The following ACACA variants were observed in gnomAD, a reference collection of about 807,000 sequenced individuals.
ACACA encodes the protein acetyl-CoA carboxylase alpha.
In ACACA, 103 loss-of-function variants were observed where a neutral mutation model predicts 296.1. The ratio of observed to expected loss-of-function variants is 0.35; its 90% CI spans 0.30 to 0.41. ACACA has a LOEUF of 0.41. ACACA is among the 10% of genes least tolerant of loss of function. The pLI, the probability that ACACA is intolerant of heterozygous loss-of-function variation, is 1.00. For missense variants in ACACA, 1,554 were observed against 2,989.7 expected, an observed-to-expected ratio of 0.52 and a Z score of 11.20; for synonymous variants, 953 against 1,038.6, an observed-to-expected ratio of 0.92 and a Z score of 1.58.
chr17:37,285,639 C>A (rs1191625384), intron 3 of ACACA, among the ~76,000 whole-genome samples: 2 of 147,858 alleles, frequency 1.4e-5, no homozygotes, highest in Non-Finnish European at 3.0e-5. Context: ...CATGGCAAAA[C>A]CCTGTCTATA....
chr17:37,237,225 C>T (rs2080155174), intron 24 of ACACA, among the ~76,000 whole-genome samples: 1 of 152,088 alleles, frequency 6.6e-6, no homozygotes, highest in Admixed American at 6.5e-5. Flanking sequence ...CATAGTAATC[C>T]ATGGTAGGAA....
intron 2 of ACACA, among the ~76,000 whole-genome samples, chr17:37,330,639 T>TATG (rs2047833531): frequency 6.6e-6 from 1 of 152,178 alleles, no homozygotes; most frequent in East Asian, 1.9e-4. Context: ...TAAAACCAGT[T>TATG]CCCTTTTCCT....
rs775192862 is a variant in ACACA at position 37,162,099 on chromosome 17, AT to A, written c.5080-50del. 4 of 1,606,718 alleles carry A rather than the reference AT, an allele frequency of 2.5e-6. No individual in the cohort carries two copies. The East Asian group carries it at 6.7e-5, about 27-fold the overall frequency. Reference sequence around the variant, plus strand: ...TGAACAGAAGTTTCTTACAGGCAGAATTTTTTTCAGGTTCATTGAAGGTATC... The same window carrying A: ...TGAACAGAAGTTTCTTACAGGCAGAATTTTTTCAGGTTCATTGAAGGTATC... On this transcript the variant is annotated intron_variant, in intron 41 of 55. Coordinates refer to ENST00000616317, the MANE Select transcript of ACACA (RefSeq NM_198834.3).
Position 37,085,067 on chromosome 17 carries a change from G to A in ACACA, c.*2249C>T, listed in dbSNP as rs1251831497. On this transcript the variant is annotated 3_prime_UTR_variant, in exon 56 of 56. Coordinates refer to ENST00000616317, the MANE Select transcript of ACACA (RefSeq NM_198834.3). ...CTGAAGCTCCTGCTCATCACAGTAT[G>A]TGTCCATCAAATTCTGAGACAAGTG... 1 of 152,848 alleles carries A rather than the reference G, an allele frequency of 6.5e-6. No homozygotes were observed. Among genetic ancestry groups the A allele is most frequent in the African/African-American group, 2.4e-5 (1 of 41,492 alleles). 9.5% of individuals were successfully genotyped at this position (152,848 alleles called of 1,614,324 possible).
At chr17:37,138,331 A>G (rs2075416388) in intron 45 of ACACA, among the ~76,000 whole-genome samples, 1 of 152,210 alleles carries the variant, frequency 6.6e-6, no homozygotes, top group Non-Finnish European at 1.5e-5. Flanking sequence ...TCTTTATCAT[A>G]TTCATAGACC....
intron 3 of ACACA, among the ~76,000 whole-genome samples, chr17:37,314,950 CTTTTTTTTTTTTT>C (rs71284913): frequency 8.2e-5 from 5 of 60,806 alleles, no homozygotes; most frequent in Admixed American, 2.6e-4. Context: ...GCCAGGAATG[CTTTTTTTTTTTTT>C]TTTTTTTTTT....
intron 9 of ACACA, among the ~76,000 whole-genome samples, chr17:37,271,508 T>G (rs937490176): frequency 6.6e-6 from 1 of 151,160 alleles, no homozygotes; most frequent in African/African-American, 2.4e-5. Flanking sequence ...AGAGCGAAAC[T>G]CCATCTCAAA....
intron 1 of ACACA, among the ~76,000 whole-genome samples, chr17:37,404,665 C>T (rs1452693353): frequency 6.6e-6 from 1 of 151,126 alleles, no homozygotes; most frequent in African/African-American, 2.4e-5. Flanking sequence ...ACCTCCACCT[C>T]CCAGGTTCAA....
At chr17:37,322,619 C>T (rs1303568923) in intron 3 of ACACA, among the ~76,000 whole-genome samples, 1 of 152,052 alleles carries the variant, frequency 6.6e-6, no homozygotes, top group Non-Finnish European at 1.5e-5. Flanking sequence ...ATCCTGTGCC[C>T]AAATAAACCC....
intron 3 of ACACA, among the ~76,000 whole-genome samples, chr17:37,297,536 T>TAG (rs1425278045): frequency 1.6e-5 from 2 of 125,978 alleles, no homozygotes; most frequent in Non-Finnish European, 3.1e-5. Flanking sequence ...TGTGTGTATA[T>TAG]ATATATATAT....
At chr17:37,217,260 CAAAAAAAA>C (rs34419580) in intron 29 of ACACA, among the ~76,000 whole-genome samples, 1 of 42,526 alleles carries the variant, frequency 2.4e-5, no homozygotes, top group African/African-American at 8.2e-5. Context: ...AACTCTATCT[CAAAAAAAA>C]AAAAAAAAAA....
chr17:37,149,812 A>G (rs1243691187), intron 45 of ACACA, 52 bp downstream of exon 45: 1 of 1,487,472 alleles, frequency 6.7e-7, no homozygotes, highest in Non-Finnish European at 9.4e-7. Flanking sequence ...AAGAATTCAC[A>G]CAATAATCTT....
chr17:37,113,134 A>T lies in ACACA; in HGVS notation c.6406T>A (p.Ser2136Thr). Residue 2136 changes from serine to threonine, a missense_variant, in exon 51 of 56, where the codon TCC becomes ACC. This residue lies in a region of ACACA where 553 missense variants were observed against 1,043.6 expected (regional missense o/e 0.53). Transcript: ENST00000616317. The surrounding 1 kb of genome is among the most constrained non-coding windows in gnomAD (Gnocchi z 4.0). Reference sequence around the variant, plus strand: ...ATCTCCATGTGCCGGGGGTTGATGGAGGAGTCAATCACCACCCAGGAGCCA... The same window carrying T: ...ATCTCCATGTGCCGGGGGTTGATGGTGGAGTCAATCACCACCCAGGAGCCA... ...RGGSWVVIDS[S>T]INPRHMEMYA... 6.2e-7 allele frequency: 1 copy of T among 1,614,212 alleles called. No homozygotes were observed. The highest frequency in any genetic ancestry group is 8.5e-7 in the Non-Finnish European group (1 of 1,180,026).
At chr17:37,141,020 C>A (rs2075551299) in intron 45 of ACACA, 2 of 408,598 alleles carry the variant, frequency 4.9e-6, no homozygotes, top group East Asian at 1.3e-4. Flanking sequence ...AGGATGATGG[C>A]CCCATGGATG....
intron 3 of ACACA, among the ~76,000 whole-genome samples, chr17:37,302,988 G>T (rs2083702860): frequency 6.6e-6 from 1 of 152,000 alleles, no homozygotes; most frequent in Admixed American, 6.6e-5. Flanking sequence ...AAGAGACGAG[G>T]TCTTGCTATG....
intron 5 of ACACA, among the ~76,000 whole-genome samples, chr17:37,282,432 A>G (rs568756536): frequency 2.1e-4 from 32 of 152,334 alleles, no homozygotes; most frequent in African/African-American, 7.7e-4. Flanking sequence ...TCTTTATAGC[A>G]ATGCAAGAAT....
intron 1 of ACACA, among the ~76,000 whole-genome samples, chr17:37,361,689 T>C (rs73285179): frequency 0.039 from 5,870 of 152,282 alleles, 313 homozygotes; most frequent in African/African-American, 0.12. Context: ...CAGCAACCCC[T>C]GAGTGTTACG....
At chr17:37,088,686 G>C (rs1181667399) in intron 55 of ACACA, among the ~76,000 whole-genome samples, 1 of 152,134 alleles carries the variant, frequency 6.6e-6, no homozygotes, top group Non-Finnish European at 1.5e-5. Context: ...AGCATTCAGA[G>C]CTAAGAGGTG....
intron 49 of ACACA, 26 bp from the exon 50 acceptor site, chr17:37,121,516 C>T (rs1567685768): frequency 6.2e-7 from 1 of 1,613,822 alleles, no homozygotes; most frequent in South Asian, 1.1e-5. Context: ...AAAGAAGACA[C>T]AATTAACAAC....
Sources: gnomAD v4.1 joint callset for allele counts (sites outside exome capture counted in the v4.1 genomes callset) on GRCh38, gnomAD v4.1.1 for gene constraint, gnomAD v4.1.1 regional missense constraint, Gnocchi (gnomAD v3.1) non-coding constraint, MANE v1.5 for transcripts, NCBI Gene and HGNC (gene_info 2026-07-23, HGNC 2026-07-21) for gene names.